The following LRRC9 variants were observed in gnomAD, a reference collection of about 807,000 sequenced individuals.
LRRC9 encodes the protein leucine rich repeat containing 9.
LRRC9 carries 122 observed loss-of-function variants against 63.2 expected under a neutral mutation model. The ratio of observed to expected loss-of-function variants is 1.93; its 90% CI spans 1.67 to 2.24. LRRC9 has a LOEUF of 2.24. Among genes scored for constraint, LRRC9 ranks in the 30% most tolerant of loss-of-function variants. The pLI, the probability that LRRC9 is intolerant of heterozygous loss-of-function variation, is 0.00. For synonymous variants in LRRC9, 366 were observed against 213.1 expected, an observed-to-expected ratio of 1.72 and a Z score of -6.25; for missense variants, 1,071 against 627.7, an observed-to-expected ratio of 1.71 and a Z score of -7.55.
chr14:59,978,477 G>A (rs951818314), intron 15 of LRRC9, among the ~76,000 whole-genome samples: 1 of 151,936 alleles, frequency 6.6e-6, no homozygotes, highest in African/African-American at 2.4e-5. Flanking sequence ...CAGTTTTATG[G>A]GTTTGCTTTC....
At chr14:59,984,424 A>G (rs1887244275) in intron 16 of LRRC9, among the ~76,000 whole-genome samples, 1 of 152,188 alleles carries the variant, frequency 6.6e-6, no homozygotes, top group Non-Finnish European at 1.5e-5. Context: ...TTATTTTGCA[A>G]GCTATACATA....
At chr14:60,034,284 TG>T (rs1892248238) in intron 29 of LRRC9, among the ~76,000 whole-genome samples, 1 of 152,080 alleles carries the variant, frequency 6.6e-6, no homozygotes, top group South Asian at 2.1e-4. Flanking sequence ...CCCAAAGTGC[TG>T]GGATTACAGG....
intron 17 of LRRC9, among the ~76,000 whole-genome samples, chr14:59,996,624 T>C (rs550629710): frequency 1.3e-4 from 20 of 152,196 alleles, no homozygotes; most frequent in Non-Finnish European, 2.5e-4. Context: ...TATAAACACA[T>C]AGAAAAATGT....
chr14:60,016,886 T>C (rs1890732448), intron 24 of LRRC9, 96 bp downstream of exon 24: 4 of 527,770 alleles, frequency 7.6e-6, no homozygotes, highest in Non-Finnish European at 1.0e-5. Flanking sequence ...CTTACCTAAA[T>C]ATAATCAATA....
chr14:60,001,864 A>C (rs1266799730), intron 19 of LRRC9, 102 bp from the exon 20 acceptor site: 2 of 430,336 alleles, frequency 4.6e-6, no homozygotes, highest in Non-Finnish European at 8.2e-6. Flanking sequence ...ATAATTATTT[A>C]TTGGGCCACT....
At chr14:60,010,165 C>T (rs1890146993) in intron 23 of LRRC9, among the ~76,000 whole-genome samples, 1 of 152,204 alleles carries the variant, frequency 6.6e-6, no homozygotes, top group African/African-American at 2.4e-5. Flanking sequence ...GGCTCCAACC[C>T]CACATTTCTT....
chr14:59,945,321 A>G (rs1241232371), intron 8 of LRRC9, among the ~76,000 whole-genome samples: 6 of 152,004 alleles, frequency 3.9e-5, no homozygotes, highest in Non-Finnish European at 7.4e-5. Context: ...GGAATCTTGT[A>G]TATATAGTAA....
In LRRC9 at chr14:59,938,514, G is replaced by T. The variant is rs554122314; in HGVS notation, c.668G>T (p.Cys223Phe). The T allele has an allele frequency of 5.7e-6, 4 of 695,920 alleles. No individual in the cohort carries two copies. The highest frequency in any genetic ancestry group is 1.0e-5 in the Non-Finnish European group (4 of 381,856). 43.1% of individuals were successfully genotyped at this position (695,920 alleles called of 1,614,324 possible). The change falls in exon 7 of 32, where the codon TGC (cysteine) becomes TTC (phenylalanine). Residue 223 changes from cysteine to phenylalanine, a missense_variant. Coordinates refer to ENST00000445360, the Ensembl canonical transcript of LRRC9. The surrounding 1 kb of genome is among the most constrained non-coding windows in gnomAD (Gnocchi z 4.2). Reference sequence around the variant, plus strand: ...ACACATGTATTATATCATTTGCCTTGCCTTCAAAGATTTGACACATTGGAT... The same window carrying T: ...ACACATGTATTATATCATTTGCCTTTCCTTCAAAGATTTGACACATTGGAT...
In LRRC9 at chr14:59,938,990, CAT is replaced by C. The variant is rs1219671755; in HGVS notation, c.726+424_726+425del. The stretch of plus-strand genomic sequence containing the variant: ...ATATACATATATACATATATACACA[CAT>C]ATATACATATACATATATACACATA... On this transcript the variant is annotated intron_variant, in intron 7 of 31. Coordinates refer to ENST00000445360, the Ensembl canonical transcript of LRRC9. The surrounding 1 kb of genome is among the most constrained non-coding windows in gnomAD (Gnocchi z 4.2). Among the ~76,000 whole-genome samples the C allele has an allele frequency of 3.1e-5, 4 of 127,216 alleles. No homozygotes were observed. The highest frequency in any genetic ancestry group is 4.9e-5 in the Non-Finnish European group (3 of 60,624). 83.5% of individuals were successfully genotyped at this position (127,216 alleles called of 152,430 possible). A position where few individuals can be genotyped will look rare whatever the true frequency, so the allele number is the denominator to read the frequency against.
intron 24 of LRRC9, among the ~76,000 whole-genome samples, 183 bp downstream of exon 24, chr14:60,016,973 T>C (rs964529202): frequency 3.3e-5 from 5 of 152,056 alleles, no homozygotes; most frequent in Admixed American, 6.6e-5. Context: ...TCTCAAAAAA[T>C]GGCTCACTGC....
intron 27 of LRRC9, among the ~76,000 whole-genome samples, chr14:60,023,415 G>C (rs1235119049): frequency 2.6e-5 from 4 of 151,950 alleles, no homozygotes; most frequent in Non-Finnish European, 4.4e-5. Context: ...GATTGAAGGT[G>C]AGCATTACTG....
rs1889612201 is a variant in LRRC9 at position 59,930,559 on chromosome 14, G to T, written c.268-359G>T. 6.6e-6 allele frequency among the ~76,000 whole-genome samples: 1 copy of T among 151,616 alleles called. No homozygotes were observed. The highest frequency in any genetic ancestry group is 1.5e-5 in the Non-Finnish European group (1 of 67,840). On this transcript the variant is annotated intron_variant, in intron 3 of 31. Coordinates refer to ENST00000445360, the Ensembl canonical transcript of LRRC9. The surrounding 1 kb of genome is among the most constrained non-coding windows in gnomAD (Gnocchi z 4.9). The stretch of plus-strand genomic sequence containing the variant: ...TCCCACAAAATTGTGTGTGCATTAG[G>T]ATTATAAAGTGCTTACATTGTTATA...
In LRRC9 at chr14:59,923,420, C is replaced by T. The variant is rs1888943018; in HGVS notation, c.-34+3537C>T. ...AAAGTAGTCTCAAGTAAATGGAGAG[C>T]TATCCCTTGTTCTTGAGGATGACTC... On this transcript the variant is annotated intron_variant, in intron 1 of 31. Transcript: ENST00000445360. This position sits in a 1 kb window ranked among gnomAD's most constrained non-coding sequence, Gnocchi z 4.2. Among the ~76,000 whole-genome samples the T allele has an allele frequency of 6.6e-6, 1 of 152,188 alleles. No individual in the cohort carries two copies. The highest frequency in any genetic ancestry group is 1.5e-5 in the Non-Finnish European group (1 of 68,028).
chr14:60,034,100 A>C (rs1212606022), intron 29 of LRRC9, among the ~76,000 whole-genome samples: 1 of 138,096 alleles, frequency 7.2e-6, no homozygotes, highest in Non-Finnish European at 1.5e-5. Context: ...AGCTCACTGC[A>C]GCCTCTGCCT....
chr14:59,925,159 G>A (rs1889106814), intron 1 of LRRC9, among the ~76,000 whole-genome samples: 2 of 152,086 alleles, frequency 1.3e-5, no homozygotes, highest in Admixed American at 6.5e-5. Flanking sequence ...TAATTTGCTG[G>A]CTGTATTTTT....
intron 29 of LRRC9, among the ~76,000 whole-genome samples, chr14:60,036,252 G>A (rs1293075631): frequency 6.6e-6 from 1 of 152,048 alleles, no homozygotes; most frequent in Non-Finnish European, 1.5e-5. Flanking sequence ...ATGAATTTTG[G>A]GGGCACATCA....
intron 2 of LRRC9, 138 bp downstream of exon 2, chr14:59,928,129 T>C: frequency 3.5e-6 from 2 of 572,516 alleles, no homozygotes; most frequent in Middle Eastern, 3.0e-4. Flanking sequence ...AGAATAATCA[T>C]ATATGTGATA....
intron 8 of LRRC9, among the ~76,000 whole-genome samples, chr14:59,949,413 G>A (rs1435137545): frequency 6.7e-6 from 1 of 148,532 alleles, no homozygotes; most frequent in Non-Finnish European, 1.5e-5. Flanking sequence ...TTCTTTATTA[G>A]TCTTGCTAGC....
intron 17 of LRRC9, among the ~76,000 whole-genome samples, chr14:59,989,367 TA>T (rs1196945354): frequency 4.6e-5 from 7 of 152,096 alleles, no homozygotes; most frequent in African/African-American, 1.7e-4. Flanking sequence ...TTTCTTATCT[TA>T]AATTTTTTTC....
Sources: gnomAD v4.1 joint callset for allele counts (sites outside exome capture counted in the v4.1 genomes callset) on GRCh38, gnomAD v4.1.1 for gene constraint, Gnocchi (gnomAD v3.1) non-coding constraint, MANE v1.5 for transcripts, NCBI Gene and HGNC (gene_info 2026-07-23, HGNC 2026-07-21) for gene names.